Variants in DOCK4 observed in about 807,000 individuals in gnomAD.
The protein encoded by DOCK4 is dedicator of cytokinesis protein 4.
DOCK4 carries 97 observed loss-of-function variants against 268.1 expected under a neutral mutation model. That is an observed-to-expected ratio of 0.36 (90% CI 0.31 to 0.43). The LOEUF is 0.43. DOCK4 is among the 20% of genes least tolerant of loss of function. The pLI is 1.00. For synonymous variants in DOCK4, 954 were observed against 887.2 expected, an observed-to-expected ratio of 1.08 and a Z score of -1.34; for missense variants, 2,145 against 2,455.7, an observed-to-expected ratio of 0.87 and a Z score of 2.67.
intron 16 of DOCK4, among the ~76,000 whole-genome samples, chr7:111,887,535 G>C (rs1807944958): frequency 6.6e-6 from 1 of 152,116 alleles, no homozygotes; most frequent in African/African-American, 2.4e-5. Flanking sequence ...TTTTCAAGAA[G>C]TGTTATTAAT....
intron 1 of DOCK4, among the ~76,000 whole-genome samples, chr7:112,051,755 G>A (rs59687475): frequency 0.13 from 19,648 of 152,064 alleles, 4,037 homozygotes; most frequent in African/African-American, 0.43. Context: ...ATGATTTCAT[G>A]TTGCTGTAGA....
At chr7:111,943,090 C>T (rs1795335079) in intron 10 of DOCK4, among the ~76,000 whole-genome samples, 1 of 152,198 alleles carries the variant, frequency 6.6e-6, no homozygotes, top group Non-Finnish European at 1.5e-5. Flanking sequence ...TCTCACTTCT[C>T]CTTCGGTCTC....
intron 8 of DOCK4, among the ~76,000 whole-genome samples, chr7:111,975,200 G>A (rs1235561375): frequency 6.6e-6 from 1 of 152,224 alleles, no homozygotes; most frequent in Non-Finnish European, 1.5e-5. Flanking sequence ...CCAGAAGGTG[G>A]AGGTTGCAGT....
intron 1 of DOCK4, among the ~76,000 whole-genome samples, chr7:112,068,370 T>C (rs919413522): frequency 2.6e-5 from 4 of 152,172 alleles, no homozygotes; most frequent in Admixed American, 6.5e-5. Flanking sequence ...GGAGGTAGCA[T>C]AGTACTATGA....
chr7:111,772,550 C>G (rs1299671069), intron 36 of DOCK4, among the ~76,000 whole-genome samples: 1 of 152,174 alleles, frequency 6.6e-6, no homozygotes, highest in Admixed American at 6.5e-5. Context: ...AATCCCAGCA[C>G]TTTGGGAGGC....
At chr7:112,097,863 T>C (rs1810295446) in intron 1 of DOCK4, among the ~76,000 whole-genome samples, 1 of 152,180 alleles carries the variant, frequency 6.6e-6, no homozygotes, top group South Asian at 2.1e-4. Context: ...AGTTTTTTCC[T>C]AGAAAGCTAA....
In DOCK4 at chr7:111,927,996, C is replaced by T. The variant is rs1024302781; in HGVS notation, c.1066+7544G>A. ...TTTCTCCCAGTTTATTGCCATTAGA[C>T]GATACCTTTTTCACCCCCTAGTATT... On this transcript the variant is annotated intron_variant, in intron 12 of 52. Coordinates refer to ENST00000428084, the MANE Select transcript of DOCK4 (RefSeq NM_001363540.2). Among the ~76,000 whole-genome samples, 11 of 152,288 alleles carry T rather than the reference C, an allele frequency of 7.2e-5. 1 individual carries two copies. In the South Asian group the frequency reaches 1.7e-3, roughly 23 times the overall value.
At chr7:111,840,103 G>A (rs1803562298) in intron 25 of DOCK4, among the ~76,000 whole-genome samples, 1 of 152,132 alleles carries the variant, frequency 6.6e-6, no homozygotes, top group African/African-American at 2.4e-5. Flanking sequence ...GTCTTCAGTG[G>A]CCATTTTATG....
intron 8 of DOCK4, among the ~76,000 whole-genome samples, chr7:111,973,897 A>G (rs1455963989): frequency 6.6e-6 from 1 of 152,194 alleles, no homozygotes; most frequent in African/African-American, 2.4e-5. Flanking sequence ...AAGAAATACA[A>G]AATTTTAAAA....
chr7:112,073,135 A>T (rs1399605890), intron 1 of DOCK4, among the ~76,000 whole-genome samples: 1 of 151,952 alleles, frequency 6.6e-6, no homozygotes, highest in African/African-American at 2.4e-5. Flanking sequence ...CCTACTCAAA[A>T]GCTTTTTAAT....
intron 30 of DOCK4, among the ~76,000 whole-genome samples, chr7:111,795,729 C>T (rs1313486875): frequency 6.6e-6 from 1 of 152,134 alleles, no homozygotes; most frequent in African/African-American, 2.4e-5. Flanking sequence ...TGTCAAAGGC[C>T]CTCTGAACAG....
intron 36 of DOCK4, among the ~76,000 whole-genome samples, chr7:111,773,776 G>C (rs1426719465): frequency 1.3e-5 from 2 of 152,012 alleles, no homozygotes; most frequent in Non-Finnish European, 2.9e-5. Context: ...CAGCACTTTG[G>C]AAGGCCAAAG....
chr7:111,931,817 G>A (rs1358160919), intron 12 of DOCK4, among the ~76,000 whole-genome samples: 4 of 152,176 alleles, frequency 2.6e-5, no homozygotes, highest in East Asian at 1.9e-4. Context: ...CACACACCAT[G>A]TATGATGTCC....
At chr7:111,902,078 A>G (rs547936979) in intron 13 of DOCK4, among the ~76,000 whole-genome samples, 2 of 152,218 alleles carry the variant, frequency 1.3e-5, no homozygotes, top group African/African-American at 4.8e-5. Context: ...AAGTCTCACC[A>G]TTTTTCAATA....
At chr7:112,152,675 G>A (rs560506862) in intron 1 of DOCK4, among the ~76,000 whole-genome samples, 3 of 152,136 alleles carry the variant, frequency 2.0e-5, no homozygotes, top group African/African-American at 7.2e-5. Context: ...TTGTAGCGAC[G>A]GGGGTCTTGC....
intron 42 of DOCK4, among the ~76,000 whole-genome samples, chr7:111,753,190 T>G (rs1796806596): frequency 6.6e-6 from 1 of 152,134 alleles, no homozygotes; most frequent in Non-Finnish European, 1.5e-5. Flanking sequence ...ATTACATTAA[T>G]AAGGCTGGGC....
chr7:111,760,364 A>G, intron 39 of DOCK4, 42 bp from the exon 40 acceptor site: 1 of 1,589,058 alleles, frequency 6.3e-7, no homozygotes, highest in East Asian at 2.2e-5. Context: ...TATATAACTG[A>G]GTGGATTACA....
At chr7:111,902,171 AT>A (rs1370428325) in intron 13 of DOCK4, among the ~76,000 whole-genome samples, 1 of 152,236 alleles carries the variant, frequency 6.6e-6, no homozygotes, top group African/African-American at 2.4e-5. Context: ...TTATTACTTT[AT>A]AGTCATAGCA....
intron 17 of DOCK4, among the ~76,000 whole-genome samples, chr7:111,872,888 T>C (rs1806540933): frequency 6.6e-6 from 1 of 152,210 alleles, no homozygotes; most frequent in Non-Finnish European, 1.5e-5. Context: ...CAGTAGCACT[T>C]ACAAATCCTT....
Sources: allele counts gnomAD v4.1 joint callset (sites outside exome capture counted in the v4.1 genomes callset), GRCh38; gene constraint gnomAD v4.1.1; transcripts MANE v1.5; gene names NCBI Gene and HGNC (gene_info 2026-07-23, HGNC 2026-07-21).